MAGI1: variants seen among roughly 807,000 people sequenced by gnomAD.
The protein encoded by MAGI1 is membrane-associated guanylate kinase, WW and PDZ domain-containing protein 1.
MAGI1 carries 58 observed loss-of-function variants against 139.9 expected under a neutral mutation model. The observed-to-expected ratio is 0.41, with a 90% CI of 0.34 to 0.52. The LOEUF is 0.52. Ranked by LOEUF, MAGI1 falls within the 20% of genes least tolerant of loss-of-function variation. The pLI, the probability that MAGI1 is intolerant of heterozygous loss-of-function variation, is 0.12. For synonymous variants in MAGI1, 812 were observed against 737.9 expected (o/e 1.10, Z -1.63); for missense variants, 1,874 against 1,901.6 (o/e 0.99, Z 0.27).
At chr3:65,523,417 G>C (rs571588946) in intron 2 of MAGI1, among the ~76,000 whole-genome samples, 60 of 151,786 alleles carry the variant, frequency 4.0e-4, no homozygotes, top group South Asian at 6.3e-4. Context: ...AAGGAAGAGA[G>C]GGAGGCGAAG....
At position 65,356,679 on chromosome 3, in the gene MAGI1, C is replaced by T; in HGVS notation, c.4088G>A (p.Arg1363Lys). 6.3e-7 allele frequency: 1 copy of T among 1,589,676 alleles called. No homozygotes were observed. Among genetic ancestry groups the T allele is most frequent in the Non-Finnish European group, 8.6e-7 (1 of 1,168,792 alleles). Residue 1363 changes from arginine to lysine, a missense_variant, in exon 23 of 23, where the codon AGA becomes AAA. Transcript: ENST00000402939. Reference protein sequence around the residue: ...RRRERSPTRRRDGSPSRRRRS... With the variant: ...RRRERSPTRRKDGSPSRRRRS... Reference sequence around the variant, plus strand: ...TCTCCGCCGGCTGGGGGAGCCGTCTCTCCTGCGGGTGGGTGACCGCTCTCG... The same window carrying T: ...TCTCCGCCGGCTGGGGGAGCCGTCTTTCCTGCGGGTGGGTGACCGCTCTCG...
chr3:65,732,568 T>C (rs1001278162), intron 1 of MAGI1, among the ~76,000 whole-genome samples: 5 of 152,220 alleles, frequency 3.3e-5, no homozygotes, highest in African/African-American at 1.2e-4. Flanking sequence ...AGACTGCTAA[T>C]CACAGCGCGG....
chr3:65,754,955 T>C (rs879920438), intron 1 of MAGI1, among the ~76,000 whole-genome samples: 1 of 149,440 alleles, frequency 6.7e-6, no homozygotes, highest in African/African-American at 2.5e-5. Context: ...TATTATTTTT[T>C]AAATTTTTTT....
chr3:65,660,265 C>T (rs1026138898), intron 1 of MAGI1, among the ~76,000 whole-genome samples: 5 of 152,210 alleles, frequency 3.3e-5, no homozygotes, highest in East Asian at 1.9e-4. Flanking sequence ...AAGGCACTAA[C>T]GCCATGAAGG....
chr3:65,866,555 C>T (rs1979744), intron 1 of MAGI1, among the ~76,000 whole-genome samples: 37,833 of 151,886 alleles, frequency 0.25, 5,217 homozygotes, highest in African/African-American at 0.32. Context: ...CACAGAAAGA[C>T]CAGGCAATGA....
chr3:65,576,389 G>C (rs958024690), intron 2 of MAGI1, among the ~76,000 whole-genome samples: 4 of 152,086 alleles, frequency 2.6e-5, no homozygotes, highest in Non-Finnish European at 5.9e-5. Flanking sequence ...TCAATCCTAC[G>C]TAGACAATGC....
chr3:65,637,605 A>AAAGT (rs1416072524), intron 1 of MAGI1, among the ~76,000 whole-genome samples: 4 of 147,796 alleles, frequency 2.7e-5, no homozygotes, highest in Admixed American at 7.0e-5. Context: ...AGAAAGAAAG[A>AAAGT]AAGAAAGAAA....
intron 1 of MAGI1, among the ~76,000 whole-genome samples, chr3:65,701,684 A>G (rs1279658316): frequency 2.0e-5 from 3 of 152,312 alleles, no homozygotes; most frequent in South Asian, 4.1e-4. Flanking sequence ...GTGACTAGGA[A>G]GAGCTTGAAT....
chr3:65,622,814 G>A (rs1276818202), intron 1 of MAGI1, among the ~76,000 whole-genome samples: 3 of 152,054 alleles, frequency 2.0e-5, no homozygotes, highest in Non-Finnish European at 4.4e-5. Flanking sequence ...TGATCCGCCC[G>A]CCTCGGCCTC....
chr3:65,544,011 C>T (rs972897561), intron 2 of MAGI1, among the ~76,000 whole-genome samples: 1 of 151,886 alleles, frequency 6.6e-6, no homozygotes, highest in Non-Finnish European at 1.5e-5. Context: ...TGACAAGATA[C>T]TCATATGACA....
intron 1 of MAGI1, among the ~76,000 whole-genome samples, chr3:66,011,216 T>C (rs756143350): frequency 1.3e-5 from 2 of 152,176 alleles, no homozygotes; most frequent in Non-Finnish European, 2.9e-5. Flanking sequence ...TGTCCCCACA[T>C]GGCAGCACAC....
chr3:65,476,934 C>T (rs1306015113), intron 4 of MAGI1, among the ~76,000 whole-genome samples: 3 of 152,194 alleles, frequency 2.0e-5, no homozygotes. Flanking sequence ...GATATTACAA[C>T]TATTGGGCAG....
chr3:65,516,092 C>G (rs1391022079), intron 2 of MAGI1, among the ~76,000 whole-genome samples: 1 of 152,178 alleles, frequency 6.6e-6, no homozygotes, highest in Admixed American at 6.5e-5. Flanking sequence ...ATAGTCCCAG[C>G]TACTCAAGAG....
rs370032656 is a variant in MAGI1, at chr3:65,789,396, A to C, written c.314-167308T>G. ...CCTTGAAAATCATACCGGGGTGGCC[A>C]AGAGAATGGCATAGACCCTGAAATC... is the stretch of plus-strand genomic sequence containing the variant. On this transcript the variant is annotated intron_variant, in intron 1 of 22. Coordinates refer to ENST00000402939, the MANE Select transcript of MAGI1 (RefSeq NM_001033057.2). 5.3e-5 allele frequency among the ~76,000 whole-genome samples: 8 copies of C among 152,264 alleles called. No homozygotes were observed. In the East Asian group the frequency reaches 5.8e-4, roughly 11 times the overall value.
At chr3:65,407,609 A>G (rs1945458162) in intron 12 of MAGI1, among the ~76,000 whole-genome samples, 1 of 152,228 alleles carries the variant, frequency 6.6e-6, no homozygotes, top group Admixed American at 6.5e-5. Flanking sequence ...AGACATGAAC[A>G]GCAGGGTAAA....
intron 1 of MAGI1, among the ~76,000 whole-genome samples, chr3:66,010,537 G>A (rs1007396105): frequency 1.3e-5 from 2 of 152,190 alleles, no homozygotes; most frequent in Non-Finnish European, 2.9e-5. Context: ...CAGGCCGGCA[G>A]ATGATAAGAG....
chr3:65,568,558 A>T (rs2080789345), intron 2 of MAGI1, among the ~76,000 whole-genome samples: 1 of 152,204 alleles, frequency 6.6e-6, no homozygotes, highest in Admixed American at 6.5e-5. Context: ...TCATTTCTAT[A>T]GCAGTGTACT....
At chr3:65,712,965 G>T (rs2107656277) in intron 1 of MAGI1, among the ~76,000 whole-genome samples, 1 of 152,206 alleles carries the variant, frequency 6.6e-6, no homozygotes, top group African/African-American at 2.4e-5. Context: ...TTCTCTCACT[G>T]GTAGGCTCTC....
At position 65,575,528 on chromosome 3, in the gene MAGI1, C is replaced by G. The variant is rs528090697; in HGVS notation, c.430+46444G>C. 8.2e-4 allele frequency among the ~76,000 whole-genome samples: 125 copies of G among 152,178 alleles called. 2 individuals are homozygous for G. The highest frequency in any genetic ancestry group is 3.4e-3 in the Middle Eastern group (1 of 292). Reference sequence around the variant, plus strand: ...GTAATTCCACCCACAGATATTTACTCAAGAGAAATGAAAGCATACATCCAT... The same window carrying G: ...GTAATTCCACCCACAGATATTTACTGAAGAGAAATGAAAGCATACATCCAT... On this transcript the variant is annotated intron_variant, in intron 2 of 22. Transcript: ENST00000402939.
Sources: gnomAD v4.1 joint callset for allele counts (sites outside exome capture counted in the v4.1 genomes callset) on GRCh38, gnomAD v4.1.1 for gene constraint, MANE v1.5 for transcripts, NCBI Gene and HGNC (gene_info 2026-07-23, HGNC 2026-07-21) for gene names.